Variants in PRUNE2 observed in about 807,000 individuals in gnomAD.
PRUNE2 encodes protein prune homolog 2.
Under a neutral mutation model 252.0 loss-of-function variants are expected in PRUNE2, and 164 were observed. That is an observed-to-expected ratio of 0.65 (90% CI 0.57 to 0.74). The LOEUF (loss-of-function observed/expected upper bound fraction) is 0.74. Ranked by LOEUF, PRUNE2 falls within the 30% of genes least tolerant of loss-of-function variation. PRUNE2 has a pLI of 0.00. For missense variants in PRUNE2, 3,495 were observed against 3,711.0 expected (o/e 0.94, Z 1.51); for synonymous variants, 1,292 against 1,350.2 (o/e 0.96, Z 0.94).
At chr9:76,739,412 T>C (rs1331827120) in intron 6 of PRUNE2, 1 of 152,158 alleles carries the variant, frequency 6.6e-6, no homozygotes, top group African/African-American at 2.4e-5. Context: ...TAGTCTTTAA[T>C]GCTATCATGA....
At chr9:76,681,969 A>G in intron 9 of PRUNE2, among the ~76,000 whole-genome samples, 1 of 152,322 alleles carries the variant, frequency 6.6e-6, no homozygotes. Context: ...ATAAGCTGAT[A>G]TTTTAAAGAT....
At chr9:76,660,427 C>A (rs1205501825) in intron 9 of PRUNE2, among the ~76,000 whole-genome samples, 2 of 152,126 alleles carry the variant, frequency 1.3e-5, no homozygotes, top group Non-Finnish European at 2.9e-5. Flanking sequence ...AGAAATGAAT[C>A]AAGAAATTAA....
intron 6 of PRUNE2, among the ~76,000 whole-genome samples, chr9:76,777,217 C>A (rs1446513264): frequency 6.6e-6 from 1 of 152,142 alleles, no homozygotes; most frequent in Non-Finnish European, 1.5e-5. Flanking sequence ...GTAAGAAAGA[C>A]CATTCCAGGA....
intron 9 of PRUNE2, among the ~76,000 whole-genome samples, chr9:76,682,602 C>T (rs1244719717): frequency 6.6e-6 from 1 of 152,112 alleles, no homozygotes; most frequent in Non-Finnish European, 1.5e-5. Context: ...CTCCTGACCT[C>T]AGGTGATCTG....
chr9:76,840,431 C>A (rs1229809476), intron 4 of PRUNE2, among the ~76,000 whole-genome samples: 1 of 152,102 alleles, frequency 6.6e-6, no homozygotes, highest in East Asian at 1.9e-4. Context: ...AGGATACAGC[C>A]ACGGGGATGA....
rs765763473 is a variant in PRUNE2, at chr9:76,710,318, C to T, written c.1956G>A (p.Arg652=). The part of the protein sequence containing the change: ...GHMGPPQTHA[R]CSSWWGGLEI... ...CCAAACCACCCCACCAGCTGCTGCACCGTGCATGGGTCTGAGGTGGCCCCA... is the reference window on the plus strand; with the variant it reads ...CCAAACCACCCCACCAGCTGCTGCATCGTGCATGGGTCTGAGGTGGCCCCA... Residue 652 remains arginine (R), a synonymous_variant, in exon 8 of 19, where the codon CGG becomes CGA. Coordinates refer to ENST00000376718, the MANE Select transcript of PRUNE2 (RefSeq NM_015225.3). The T allele has an allele frequency of 1.2e-6, 2 of 1,614,012 alleles. No individual in the cohort carries two copies. Among genetic ancestry groups the T allele is most frequent in the East Asian group, 2.2e-5 (1 of 44,884 alleles).
chr9:76,898,240 T>A (rs141553907), intron 1 of PRUNE2, among the ~76,000 whole-genome samples: 27 of 152,320 alleles, frequency 1.8e-4, no homozygotes, highest in Middle Eastern at 3.4e-3. Flanking sequence ...CAACTCATAC[T>A]CTAGGAAAAT....
Position 76,713,616 on chromosome 9 carries a change from G to T in PRUNE2, c.862C>A (p.Gln288Lys). ...LFSSYLSEEQ[Q>K]PRRQIAVYSE... ...TACACAGCAATCTGTCGTCTCGGCT[G>T]CTGCTCCTCTGACAGATAGCTGGAG... The change falls in exon 7 of 19, where the codon CAG becomes AAG. Residue 288 changes from glutamine (Q) to lysine (K), a missense_variant. Transcript: ENST00000376718. 6.2e-7 allele frequency: 1 copy of T among 1,606,454 alleles called. No homozygotes were observed. Among genetic ancestry groups the T allele is most frequent in the Middle Eastern group, 1.7e-4 (1 of 6,058 alleles).
chr9:76,903,835 G>A (rs887467787), intron 1 of PRUNE2, among the ~76,000 whole-genome samples: 2 of 152,184 alleles, frequency 1.3e-5, no homozygotes, highest in South Asian at 2.1e-4. Context: ...TGATCCACCC[G>A]CCTCAGCCTC....
intron 16 of PRUNE2, among the ~76,000 whole-genome samples, chr9:76,626,408 G>C (rs564883063): frequency 2.6e-4 from 40 of 152,278 alleles, no homozygotes; most frequent in South Asian, 1.7e-3. Flanking sequence ...GTATCCATTT[G>C]AAATTTGCAA....
Position 76,711,363 on chromosome 9 carries a change from C to G in PRUNE2, c.916-5G>C. ...CTCTTCCAGCTCACAGCAAATCTGT[C>G]GGAAGGCACAGGAATTTGTGTCAGC... On this transcript the variant is annotated splice_region_variant and splice_polypyrimidine_tract_variant and intron_variant, in intron 7 of 18. Coordinates refer to ENST00000376718, the MANE Select transcript of PRUNE2 (RefSeq NM_015225.3). 1 of 1,599,580 alleles carries G rather than the reference C, an allele frequency of 6.3e-7. No homozygotes were observed. The highest frequency in any genetic ancestry group is 8.5e-7 in the Non-Finnish European group (1 of 1,171,868).
intron 1 of PRUNE2, among the ~76,000 whole-genome samples, chr9:76,897,370 A>G (rs2062884961): frequency 8.1e-6 from 1 of 123,666 alleles, no homozygotes. Context: ...CTTTGTGGCT[A>G]TGCAACCTTA....
At chr9:76,702,431 G>A (rs1386340259) in intron 9 of PRUNE2, among the ~76,000 whole-genome samples, 1 of 152,148 alleles carries the variant, frequency 6.6e-6, no homozygotes, top group African/African-American at 2.4e-5. Flanking sequence ...TTCACAATTT[G>A]TTCTTTTGTC....
intron 6 of PRUNE2, among the ~76,000 whole-genome samples, chr9:76,814,668 G>A (rs1020448843): frequency 1.3e-5 from 2 of 152,166 alleles, no homozygotes; most frequent in African/African-American, 2.4e-5. Flanking sequence ...ATCCAAGGTT[G>A]GGGTATTGCA....
intron 9 of PRUNE2, among the ~76,000 whole-genome samples, chr9:76,687,812 C>G (rs1181164540): frequency 2.7e-5 from 4 of 149,888 alleles, no homozygotes; most frequent in East Asian, 1.9e-4. Context: ...CAGGTTCACA[C>G]AAAACAGCAC....
At position 76,826,564 on chromosome 9, in the gene PRUNE2, G is replaced by C; in HGVS notation, c.661+16C>G. On this transcript the variant is annotated intron_variant, in intron 5 of 18. Coordinates refer to ENST00000376718, the MANE Select transcript of PRUNE2 (RefSeq NM_015225.3). Reference sequence around the variant, plus strand: ...TACTCGGGAGGGACAAGAGAGCTGGGGACAGAGTCACTCACCCTGAGCACT... The same window carrying C: ...TACTCGGGAGGGACAAGAGAGCTGGCGACAGAGTCACTCACCCTGAGCACT... The C allele has an allele frequency of 6.4e-7, 1 of 1,556,556 alleles. No homozygotes were observed. Among genetic ancestry groups the C allele is most frequent in the Non-Finnish European group, 8.7e-7 (1 of 1,146,086 alleles).
At chr9:76,894,637 T>C (rs73462378) in intron 1 of PRUNE2, among the ~76,000 whole-genome samples, 7,017 of 151,856 alleles carry the variant, frequency 0.046, 564 homozygotes, top group African/African-American at 0.16. Context: ...CAGGATGATC[T>C]TCTGCCTCTG....
At chr9:76,855,303 T>A (rs1011497469) in intron 1 of PRUNE2, among the ~76,000 whole-genome samples, 7 of 152,034 alleles carry the variant, frequency 4.6e-5, no homozygotes, top group Non-Finnish European at 1.0e-4. Context: ...AGAGATGACA[T>A]ATGTACATAC....
At chr9:76,905,836 T>C (rs2063462663) in intron 1 of PRUNE2, 92 bp downstream of exon 1, 1 of 1,536,372 alleles carries the variant, frequency 6.5e-7, no homozygotes, top group African/African-American at 1.4e-5. Flanking sequence ...GCAAAGTTGT[T>C]TCTTCCTCCT....
Sources: gnomAD v4.1 joint callset for allele counts (sites outside exome capture counted in the v4.1 genomes callset) on GRCh38, gnomAD v4.1.1 for gene constraint, MANE v1.5 for transcripts, NCBI Gene and HGNC (gene_info 2026-07-23, HGNC 2026-07-21) for gene names.